Variants in INPP4A observed in about 807,000 individuals in gnomAD.
The protein encoded by INPP4A is inositol polyphosphate-4-phosphatase type I A, also known as inositol polyphosphate-4-phosphatase, type I, 107kD.
Under a neutral mutation model 119.8 loss-of-function variants are expected in INPP4A, and 33 were observed. The ratio of observed to expected loss-of-function variants is 0.28; its 90% CI spans 0.21 to 0.37. The LOEUF is 0.37. Among genes scored for constraint, INPP4A ranks in the 10% least tolerant of loss-of-function variants. INPP4A has a pLI of 1.00. For missense variants in INPP4A, 956 were observed against 1,289.9 expected (o/e 0.74, Z 3.97); for synonymous variants, 496 against 500.7 (o/e 0.99, Z 0.12).
chr2:98,484,059 C>G (rs1417098411), intron 1 of INPP4A, among the ~76,000 whole-genome samples: 1 of 152,142 alleles, frequency 6.6e-6, no homozygotes, highest in Non-Finnish European at 1.5e-5. Flanking sequence ...TGTCCTGTCT[C>G]TCTCCAGAGG....
chr2:98,478,815 G>A (rs147288419), intron 1 of INPP4A, among the ~76,000 whole-genome samples: 332 of 152,280 alleles, frequency 2.2e-3, no homozygotes, highest in African/African-American at 7.7e-3. Flanking sequence ...AATGCAGCCC[G>A]CACCCATGAC....
intron 1 of INPP4A, among the ~76,000 whole-genome samples, chr2:98,507,377 G>A (rs1275329122): frequency 6.6e-6 from 1 of 152,198 alleles, no homozygotes; most frequent in East Asian, 1.9e-4. Flanking sequence ...CTGATACAAT[G>A]TAAAGCCATC....
At chr2:98,456,625 C>G (rs138609332) in intron 1 of INPP4A, among the ~76,000 whole-genome samples, 1 of 152,354 alleles carries the variant, frequency 6.6e-6, no homozygotes, top group African/African-American at 2.4e-5. Context: ...AGGGCATGAG[C>G]CACTGTACCC....
chr2:98,464,394 A>G (rs1355896133), intron 1 of INPP4A, among the ~76,000 whole-genome samples: 1 of 152,200 alleles, frequency 6.6e-6, no homozygotes, highest in Non-Finnish European at 1.5e-5. Flanking sequence ...CGCTCCTCAA[A>G]GAGGAAAATC....
intron 1 of INPP4A, among the ~76,000 whole-genome samples, chr2:98,455,281 T>G (rs1695926391): frequency 6.6e-6 from 1 of 151,926 alleles, no homozygotes; most frequent in Non-Finnish European, 1.5e-5. Context: ...GAGGCTGCAG[T>G]GAGCTATGAT....
intron 23 of INPP4A, among the ~76,000 whole-genome samples, chr2:98,576,405 G>C (rs1032817054): frequency 6.6e-6 from 1 of 152,224 alleles, no homozygotes; most frequent in Non-Finnish European, 1.5e-5. Flanking sequence ...TACCGGGAAA[G>C]TATGGCGGGA....
intron 22 of INPP4A, among the ~76,000 whole-genome samples, chr2:98,571,477 G>C (rs1435267413): frequency 3.9e-5 from 6 of 152,260 alleles, no homozygotes; most frequent in Non-Finnish European, 5.9e-5. Context: ...GGGGGAATTT[G>C]TGCCTAGCAC....
At chr2:98,572,786 C>G in intron 22 of INPP4A, 29 bp from the exon 23 acceptor site, 1 of 1,498,584 alleles carries the variant, frequency 6.7e-7, no homozygotes, top group Non-Finnish European at 9.0e-7. Flanking sequence ...GTGCGTCACC[C>G]ACTCCCACGA....
intron 1 of INPP4A, among the ~76,000 whole-genome samples, chr2:98,514,466 C>T (rs1284948667): frequency 6.6e-6 from 1 of 152,068 alleles, no homozygotes; most frequent in Non-Finnish European, 1.5e-5. Context: ...TAGGATTTGG[C>T]TGGTTGCCAG....
chr2:98,445,621 G>T (rs545335161), intron 1 of INPP4A, among the ~76,000 whole-genome samples: 1 of 152,332 alleles, frequency 6.6e-6, no homozygotes, highest in Non-Finnish European at 1.5e-5. Context: ...TGAGAAATGT[G>T]CAGGGATCTG....
intron 17 of INPP4A, 22 bp downstream of exon 17, chr2:98,559,517 C>G: frequency 6.2e-7 from 1 of 1,612,188 alleles, no homozygotes; most frequent in Non-Finnish European, 8.5e-7. Context: ...CCGTTCAAGG[C>G]TCCTGCTGAT....
At chr2:98,446,548 C>G (rs1694226491) in intron 1 of INPP4A, among the ~76,000 whole-genome samples, 1 of 152,032 alleles carries the variant, frequency 6.6e-6, no homozygotes, top group Non-Finnish European at 1.5e-5. Context: ...CCTGTGAAGC[C>G]AGAGCTGCTT....
In INPP4A at chr2:98,529,453, T is replaced by A. The variant is rs568816743; in HGVS notation, c.152-3924T>A. On this transcript the variant is annotated intron_variant, in intron 4 of 24. Transcript: ENST00000409851. ...GAATGTCTTTAAAAAACCACAGAAT[T>A]GGGCTGGGCGCAATAGCTCATGCCT... is the stretch of plus-strand genomic sequence containing the variant. Among the ~76,000 whole-genome samples, 40 of 152,210 alleles carry A rather than the reference T, an allele frequency of 2.6e-4. No individual in the cohort carries two copies. In the South Asian group the frequency reaches 8.3e-3, roughly 32 times the overall value.
intron 1 of INPP4A, among the ~76,000 whole-genome samples, chr2:98,480,159 G>C (rs1205933078): frequency 2.0e-5 from 3 of 152,228 alleles, no homozygotes; most frequent in Admixed American, 6.5e-5. Context: ...CTCAGCCTCT[G>C]CTGAAACTAA....
chr2:98,588,655 T>G lies in INPP4A; in HGVS notation c.*1047T>G. 4.5e-6 allele frequency: 1 copy of G among 223,996 alleles called. No individual in the cohort carries two copies. The allele number at this position is 223,996 out of a possible 1,614,324, so 13.9% of individuals were successfully genotyped here. On this transcript the variant is annotated 3_prime_UTR_variant, in exon 25 of 25. Transcript: ENST00000409851. ...ATGACTATTGAGAAACAGTTGAAAT[T>G]TATTCTCCTCAAATGAGATTTTGAA...
chr2:98,459,239 A>G (rs920079659), intron 1 of INPP4A, among the ~76,000 whole-genome samples: 1 of 152,210 alleles, frequency 6.6e-6, no homozygotes, highest in Non-Finnish European at 1.5e-5. Flanking sequence ...GCACCTGGGA[A>G]AATCAGCACT....
intron 13 of INPP4A, among the ~76,000 whole-genome samples, chr2:98,550,428 C>A (rs1368246718): frequency 6.6e-6 from 1 of 152,204 alleles, no homozygotes. Flanking sequence ...GACTGTTGCT[C>A]AGCAGTTACC....
At chr2:98,453,905 A>G (rs1210290043) in intron 1 of INPP4A, among the ~76,000 whole-genome samples, 1 of 152,080 alleles carries the variant, frequency 6.6e-6, no homozygotes, top group Non-Finnish European at 1.5e-5. Context: ...TCGGGGGTTC[A>G]AGACCATCCT....
At chr2:98,489,492 CAG>C (rs1680253933) in intron 1 of INPP4A, among the ~76,000 whole-genome samples, 1 of 152,088 alleles carries the variant, frequency 6.6e-6, no homozygotes, top group Admixed American at 6.5e-5. Flanking sequence ...TCAGATGACT[CAG>C]AGGGGCCCTA....
Sources: gnomAD v4.1 joint callset for allele counts (sites outside exome capture counted in the v4.1 genomes callset) on GRCh38, gnomAD v4.1.1 for gene constraint, MANE v1.5 for transcripts, NCBI Gene and HGNC (gene_info 2026-07-23, HGNC 2026-07-21) for gene names.